RNF152: variants seen among roughly 807,000 people sequenced by gnomAD.
RNF152 encodes the protein ring finger protein 152.
Under a neutral mutation model 12.7 loss-of-function variants are expected in RNF152, and 11 were observed. The observed-to-expected ratio is 0.86, with a 90% CI of 0.54 to 1.43. The LOEUF (loss-of-function observed/expected upper bound fraction) is 1.43, where lower values mean the gene tolerates loss of function less well. Among genes scored for constraint, RNF152 ranks in the 40% most tolerant of loss-of-function variants. RNF152 has a pLI of 0.00. For synonymous variants in RNF152, 113 were observed against 120.3 expected, an observed-to-expected ratio of 0.94 and a Z score of 0.40; for missense variants, 255 against 274.8, an observed-to-expected ratio of 0.93 and a Z score of 0.51.
intron 1 of RNF152, chr18:61,875,079 A>G (rs1036449373): frequency 2.0e-5 from 3 of 152,268 alleles, no homozygotes; most frequent in Non-Finnish European, 4.4e-5. Context: ...GGAATCAGGG[A>G]TTCAGAGATG....
chr18:61,870,999 G>A (rs529225305), intron 1 of RNF152, among the ~76,000 whole-genome samples: 1 of 152,106 alleles, frequency 6.6e-6, no homozygotes, highest in African/African-American at 2.4e-5. Context: ...GCACCCCAAG[G>A]CCCTGCACCT....
intron 1 of RNF152, among the ~76,000 whole-genome samples, chr18:61,826,616 C>T (rs1159363327): frequency 6.6e-6 from 1 of 152,140 alleles, no homozygotes; most frequent in African/African-American, 2.4e-5. Flanking sequence ...GTCCATGATA[C>T]TGAACCTAAG....
intron 1 of RNF152, among the ~76,000 whole-genome samples, chr18:61,840,554 T>C (rs1468133531): frequency 6.6e-6 from 1 of 152,084 alleles, no homozygotes; most frequent in African/African-American, 2.4e-5. Context: ...ACTCTGTGCA[T>C]ATGCTTCTAG....
intron 1 of RNF152, among the ~76,000 whole-genome samples, chr18:61,817,742 T>TAAAAA (rs397956442): frequency 1.4e-5 from 2 of 143,374 alleles, no homozygotes; most frequent in Non-Finnish European, 3.0e-5. Context: ...TTCCTCATTG[T>TAAAAA]AAAAAAAAAA....
At chr18:61,863,551 C>A (rs192709810) in intron 1 of RNF152, among the ~76,000 whole-genome samples, 2 of 151,882 alleles carry the variant, frequency 1.3e-5, no homozygotes, top group Admixed American at 1.3e-4. Flanking sequence ...TAGTTAATAT[C>A]TTTGGGGAAA....
In RNF152 at chr18:61,844,098, G is replaced by GAAAGAAAGAAAGAA. The variant is rs1555702325; in HGVS notation, c.-135-27514_-135-27501dup. Among the ~76,000 whole-genome samples, 477 of 123,822 alleles carry GAAAGAAAGAAAGAA rather than the reference G, an allele frequency of 3.9e-3. 4 individuals are homozygous for GAAAGAAAGAAAGAA. The highest frequency in any genetic ancestry group is 6.7e-3 in the Non-Finnish European group (381 of 56,748). The allele number at this position is 123,822 out of a possible 152,430, so 81.2% of individuals were successfully genotyped here. A position where few individuals can be genotyped will look rare whatever the true frequency, so the allele number is the denominator to read the frequency against. ...GAAAGGAAAGAAAGAAAGAAAGAAA[G>GAAAGAAAGAAAGAA]AAAGAAAGAAAGAAAGAAAGAAAGA... On this transcript the variant is annotated intron_variant, in intron 1 of 1. Transcript: ENST00000312828.
rs544071206 is a variant in RNF152 at position 61,861,759 on chromosome 18, C to G, written c.-136+31036G>C. Among the ~76,000 whole-genome samples, 760 of 152,250 alleles carry G rather than the reference C, an allele frequency of 5.0e-3. 7 individuals are homozygous for G. Among genetic ancestry groups the G allele is most frequent in the African/African-American group, 0.018 (738 of 41,532 alleles). ...AAGGGAAGCTGGCATGTGCAGAGAT[C>G]ACATGGTGAGAGAGGAAGCAAGGGT... On this transcript the variant is annotated intron_variant, in intron 1 of 1. Coordinates refer to ENST00000312828, the MANE Select transcript of RNF152 (RefSeq NM_173557.3).
At chr18:61,846,506 T>A (rs1452246944) in intron 1 of RNF152, among the ~76,000 whole-genome samples, 1 of 152,170 alleles carries the variant, frequency 6.6e-6, no homozygotes, top group Admixed American at 6.5e-5. Flanking sequence ...GTCTTACAGG[T>A]TGAGGTAAGG....
At chr18:61,867,005 A>G (rs1911762326) in intron 1 of RNF152, among the ~76,000 whole-genome samples, 1 of 152,214 alleles carries the variant, frequency 6.6e-6, no homozygotes, top group Non-Finnish European at 1.5e-5. Flanking sequence ...TAAACACTGC[A>G]CATCAGGAAT....
intron 1 of RNF152, among the ~76,000 whole-genome samples, chr18:61,867,001 C>G (rs1178973667): frequency 6.6e-6 from 1 of 152,218 alleles, no homozygotes; most frequent in Non-Finnish European, 1.5e-5. Flanking sequence ...TTATTAAACA[C>G]TGCACATCAG....
chr18:61,877,016 C>T (rs1912243178), intron 1 of RNF152, among the ~76,000 whole-genome samples: 1 of 152,132 alleles, frequency 6.6e-6, no homozygotes, highest in African/African-American at 2.4e-5. Context: ...TATGGTGAAA[C>T]TCAGTTGGGG....
intron 1 of RNF152, among the ~76,000 whole-genome samples, chr18:61,878,552 C>T (rs543832425): frequency 2.6e-5 from 4 of 152,196 alleles, no homozygotes; most frequent in Non-Finnish European, 4.4e-5. Flanking sequence ...AGATTTCTGT[C>T]TTAGTCTGTT....
At chr18:61,892,207 A>G (rs929479570) in intron 1 of RNF152, among the ~76,000 whole-genome samples, 1 of 152,206 alleles carries the variant, frequency 6.6e-6, no homozygotes, top group African/African-American at 2.4e-5. Flanking sequence ...ACTTCACTCA[A>G]GCTGTTTTCT....
At chr18:61,853,217 G>T (rs912527451) in intron 1 of RNF152, among the ~76,000 whole-genome samples, 2 of 151,834 alleles carry the variant, frequency 1.3e-5, no homozygotes, top group Non-Finnish European at 2.9e-5. Flanking sequence ...GTCTGAATTG[G>T]TCTCCTCATG....
chr18:61,882,959 GCAT>G (rs1912527216), intron 1 of RNF152, among the ~76,000 whole-genome samples: 1 of 152,126 alleles, frequency 6.6e-6, no homozygotes, highest in South Asian at 2.1e-4. Flanking sequence ...TTGTCTGCTA[GCAT>G]CATGCGGTTC....
At chr18:61,839,768 G>A (rs1180729753) in intron 1 of RNF152, among the ~76,000 whole-genome samples, 1 of 152,110 alleles carries the variant, frequency 6.6e-6, no homozygotes, top group Non-Finnish European at 1.5e-5. Flanking sequence ...GGTGGTGGGT[G>A]CCTGTAGTCC....
intron 1 of RNF152, among the ~76,000 whole-genome samples, chr18:61,853,193 T>A (rs1021741121): frequency 6.6e-5 from 10 of 152,146 alleles, no homozygotes; most frequent in Admixed American, 2.0e-4. Context: ...ATCTTATAGG[T>A]CTGGAGCCCA....
rs60358145 is a variant in RNF152, at chr18:61,814,919, G to A, written c.*933C>T. ...TGACGTGTAGGAGACCACTCGCTGG[G>A]TCAAGATGTCCAAGAAGTGGCCACC... is the stretch of plus-strand genomic sequence containing the variant. On this transcript the variant is annotated 3_prime_UTR_variant, in exon 2 of 2. Transcript: ENST00000312828. 1 of 152,256 alleles carries A rather than the reference G, an allele frequency of 6.6e-6. No homozygotes were observed. The highest frequency in any genetic ancestry group is 1.9e-4 in the East Asian group (1 of 5,202). 9.4% of individuals were successfully genotyped at this position (152,256 alleles called of 1,614,324 possible). A position where few individuals can be genotyped will look rare whatever the true frequency, so the allele number is the denominator to read the frequency against.
chr18:61,844,124 A>AAG (rs764352609), intron 1 of RNF152, among the ~76,000 whole-genome samples: 1 of 142,278 alleles, frequency 7.0e-6, no homozygotes, highest in Admixed American at 7.1e-5. Flanking sequence ...GAAAGAAAGA[A>AAG]AGAAAGAAAG....
Sources: allele counts gnomAD v4.1 joint callset (sites outside exome capture counted in the v4.1 genomes callset), GRCh38; gene constraint gnomAD v4.1.1; transcripts MANE v1.5; gene names NCBI Gene and HGNC (gene_info 2026-07-23, HGNC 2026-07-21).